OR2C1: variants seen among roughly 807,000 people sequenced by gnomAD.
OR2C1 encodes olfactory receptor family 2 subfamily C member 1, also known as olfactory receptor 2C1.
For synonymous variants in OR2C1, 209 were observed against 167.3 expected (o/e 1.25, Z -1.92); for missense variants, 468 against 388.3 (o/e 1.21, Z -1.73).
the OR2C1 span, among the ~76,000 whole-genome samples, chr16:3,345,766 T>C: frequency 1.7e-4 from 26 of 150,700 alleles, no homozygotes; most frequent in African/African-American, 6.3e-4. Flanking sequence ...TCGTTCTCTC[T>C]TTCTCTCCCT....
chr16:3,333,851 C>T, the OR2C1 span, among the ~76,000 whole-genome samples: 1 of 152,090 alleles, frequency 6.6e-6, no homozygotes, highest in East Asian at 1.9e-4. Flanking sequence ...AGTCTTTAAT[C>T]CATTTTGAGT....
the OR2C1 span, among the ~76,000 whole-genome samples, chr16:3,334,191 G>T: frequency 1.3e-5 from 2 of 149,656 alleles, no homozygotes; most frequent in East Asian, 4.0e-4. Context: ...AGGCTGAAGT[G>T]CAGTGGTGCA....
At chr16:3,338,295 A>C in the OR2C1 span, among the ~76,000 whole-genome samples, 5 of 151,998 alleles carry the variant, frequency 3.3e-5, no homozygotes, top group Non-Finnish European at 7.4e-5. Context: ...CCCTTAAGGC[A>C]CTCATGATGC....
chr16:3,347,233 C>T, the OR2C1 span, among the ~76,000 whole-genome samples: 1 of 111,906 alleles, frequency 8.9e-6, no homozygotes, highest in Non-Finnish European at 1.7e-5. Context: ...GGTGACAGAC[C>T]AGGACTCTGT....
chr16:3,343,661 A>C, the OR2C1 span, among the ~76,000 whole-genome samples: 1 of 152,152 alleles, frequency 6.6e-6, no homozygotes, highest in Non-Finnish European at 1.5e-5. Flanking sequence ...CTAAGCAGGG[A>C]GAATTGCTTG....
the OR2C1 span, among the ~76,000 whole-genome samples, chr16:3,329,229 C>T: frequency 3.6e-5 from 5 of 138,100 alleles, no homozygotes; most frequent in Non-Finnish European, 6.1e-5. Flanking sequence ...AGCTATGGAG[C>T]GGGAAGAAGA....
the OR2C1 span, among the ~76,000 whole-genome samples, chr16:3,337,418 C>T: frequency 1.3e-5 from 2 of 152,062 alleles, no homozygotes; most frequent in Non-Finnish European, 2.9e-5. Context: ...ATCCACCTGC[C>T]TCAGCCTCCC....
chr16:3,324,026 T>C, the OR2C1 span: 2 of 430,790 alleles, frequency 4.6e-6, no homozygotes, highest in East Asian at 7.4e-5. Flanking sequence ...CCATGATTTG[T>C]ACAATCAACT....
chr16:3,323,394 C>G, the OR2C1 span: 4 of 829,512 alleles, frequency 4.8e-6, no homozygotes, highest in South Asian at 3.9e-5. Context: ...CCAAACTTCC[C>G]CAGGTGCTCC....
chr16:3,325,923 G>C, the OR2C1 span, among the ~76,000 whole-genome samples: 1 of 149,352 alleles, frequency 6.7e-6, no homozygotes, highest in African/African-American at 2.5e-5. Context: ...GAGTGCTCAA[G>C]TGCATTCTTT....
chr16:3,327,881 T>C, the OR2C1 span, among the ~76,000 whole-genome samples: 10 of 152,252 alleles, frequency 6.6e-5, no homozygotes, highest in South Asian at 2.1e-4. Flanking sequence ...TGTAAATAAA[T>C]ATTCAAAGCA....
chr16:3,356,254 T>C lies in OR2C1; in HGVS notation c.314T>C (p.Leu105Pro), dbSNP rs767091768. Reference protein sequence around the residue: ...GGCITQLYVFLWLGATECILL... With the variant: ...GGCITQLYVFPWLGATECILL... ...TGCATAACCCAGCTCTATGTCTTCC[T>C]TTGGCTGGGGGCCACCGAGTGCATC... The change falls in exon 1 of 1, where the codon CTT becomes CCT. Residue 105 changes from leucine (L) to proline (P), a missense_variant. Leu to Pro is a moderately conservative substitution (Grantham distance 98). Coordinates refer to ENST00000304936, the MANE Select transcript of OR2C1 (RefSeq NM_012368.3). 21 of 1,613,928 alleles carry C rather than the reference T, an allele frequency of 1.3e-5. No individual in the cohort carries two copies. Among genetic ancestry groups the C allele is most frequent in the Non-Finnish European group, 1.7e-5 (20 of 1,180,042 alleles).
the OR2C1 span, among the ~76,000 whole-genome samples, chr16:3,341,872 G>A: frequency 2.0e-5 from 3 of 152,122 alleles, no homozygotes; most frequent in Admixed American, 6.5e-5. Context: ...ATGGGGCTGG[G>A]GCTGAAAGTT....
chr16:3,346,624 C>CT, the OR2C1 span, among the ~76,000 whole-genome samples: 37,529 of 127,246 alleles, frequency 0.29, 6,564 homozygotes, highest in African/African-American at 0.38. Context: ...GTCCATGCAT[C>CT]TTTTTTTTTT....
At chr16:3,352,718 T>C (rs112121314), upstream of OR2C1, among the ~76,000 whole-genome samples, 786 of 147,690 alleles carry the variant, frequency 5.3e-3, 5 homozygotes, top group African/African-American at 0.018. Flanking sequence ...AGCAGTGTCT[T>C]TCTGTCTGTT....
chr16:3,330,678 A>G, the OR2C1 span, among the ~76,000 whole-genome samples: 1 of 152,162 alleles, frequency 6.6e-6, no homozygotes, highest in African/African-American at 2.4e-5. Flanking sequence ...TAATTAGTAT[A>G]TCTGTCACAT....
chr16:3,353,271 C>T (rs2030602647), upstream of OR2C1, among the ~76,000 whole-genome samples: 1 of 150,338 alleles, frequency 6.7e-6, no homozygotes, highest in Non-Finnish European at 1.5e-5. Context: ...GCGGGCAGAT[C>T]ACGAGGTCAA....
the OR2C1 span, among the ~76,000 whole-genome samples, chr16:3,333,710 A>G: frequency 1.3e-5 from 2 of 152,120 alleles, no homozygotes; most frequent in Non-Finnish European, 2.9e-5. Context: ...TTTTAGTTGG[A>G]TGTAATTCAT....
the OR2C1 span, among the ~76,000 whole-genome samples, chr16:3,331,304 T>C: frequency 7.2e-5 from 11 of 151,994 alleles, no homozygotes; most frequent in Non-Finnish European, 1.3e-4. Context: ...GTCAGATGAG[T>C]AGGTTGCGAA....
Sources: gnomAD v4.1 joint callset for allele counts (sites outside exome capture counted in the v4.1 genomes callset) on GRCh38, gnomAD v4.1.1 for gene constraint, MANE v1.5 for transcripts, NCBI Gene and HGNC (gene_info 2026-07-23, HGNC 2026-07-21) for gene names.